Variants in TGIF1 observed in about 807,000 individuals in gnomAD.
TGIF1 encodes the protein homeobox protein TGIF1.
In TGIF1, 4 loss-of-function variants were observed where a neutral mutation model predicts 19.3. The observed-to-expected ratio is 0.21, with a 90% CI of 0.10 to 0.47. The LOEUF (loss-of-function observed/expected upper bound fraction) is 0.47. Ranked by LOEUF, TGIF1 falls within the 20% of genes least tolerant of loss-of-function variation. The pLI, the probability that TGIF1 is intolerant of heterozygous loss-of-function variation, is 0.98. For missense variants in TGIF1, 275 were observed against 341.4 expected (o/e 0.81, Z 1.53); for synonymous variants, 122 against 129.3 (o/e 0.94, Z 0.38).
intron 2 of TGIF1, among the ~76,000 whole-genome samples, chr18:3,420,492 T>C (rs1305237810): frequency 1.3e-5 from 2 of 152,164 alleles, no homozygotes; most frequent in Admixed American, 1.3e-4. Context: ...TTAAGGTACA[T>C]GTTAATCCAA....
rs368355194 is a variant in TGIF1 at position 3,457,497 on chromosome 18, G to A, written c.376G>A (p.Val126Met). 56 of 1,614,072 alleles carry A rather than the reference G, an allele frequency of 3.5e-5. No individual in the cohort carries two copies. The highest frequency in any genetic ancestry group is 8.3e-5 in the Admixed American group (5 of 60,006). The change falls in exon 3 of 3, where the codon GTG becomes ATG. Residue 126 changes from valine to methionine, a missense_variant. Physicochemically the swap from Val to Met is conservative, Grantham distance 21 (BLOSUM62 1). Transcript: ENST00000343820. This position sits in a 1 kb window ranked among gnomAD's most constrained non-coding sequence, Gnocchi z 4.9. ...TTCTGAAACGAGCTCTGTGGAGTCC[G>A]TGATGGGCATCAAAAACTTCATGCC... ...KISETSSVES[V>M]MGIKNFMPAL...
In TGIF1 at chr18:3,450,231, G is replaced by C; in HGVS notation, c.-259G>C. On this transcript the variant is annotated 5_prime_UTR_variant, in exon 1 of 3. Coordinates refer to ENST00000343820, the MANE Select transcript of TGIF1 (RefSeq NM_003244.4). ...AGGGAACAAAGGAGCGGAGAGGGGA[G>C]GGGAGAGAGTTGGGCGAGGGAGAGC... The C allele has an allele frequency of 7.0e-7, 1 of 1,419,928 alleles. No individual in the cohort carries two copies. Among genetic ancestry groups the C allele is most frequent in the Non-Finnish European group, 9.2e-7 (1 of 1,091,286 alleles). The allele number at this position is 1,419,928 out of a possible 1,614,324, so 88.0% of individuals were successfully genotyped here.
At chr18:3,453,136 C>T (rs2083038740) in intron 1 of TGIF1, among the ~76,000 whole-genome samples, 1 of 151,940 alleles carries the variant, frequency 6.6e-6, no homozygotes, top group Non-Finnish European at 1.5e-5. Flanking sequence ...CCGGGTCTGG[C>T]TATGTTGCCC....
chr18:3,438,566 A>G (rs572277346), intron 2 of TGIF1, among the ~76,000 whole-genome samples: 59 of 125,374 alleles, frequency 4.7e-4, no homozygotes, highest in African/African-American at 1.4e-3. Context: ...TTCACCCCCC[A>G]TCTTCCATTC....
chr18:3,442,903 T>TA (rs2082692747), intron 2 of TGIF1, among the ~76,000 whole-genome samples: 1 of 152,202 alleles, frequency 6.6e-6, no homozygotes, highest in South Asian at 2.1e-4. Flanking sequence ...TGATTGATAA[T>TA]ATTCAGCGTT....
intron 2 of TGIF1, among the ~76,000 whole-genome samples, chr18:3,429,922 A>C (rs1220247705): frequency 2.0e-5 from 3 of 152,252 alleles, no homozygotes; most frequent in Non-Finnish European, 2.9e-5. Flanking sequence ...TGGGAGGCCA[A>C]GGTGGGTGGA....
At chr18:3,444,013 C>G (rs191604313) in intron 2 of TGIF1, among the ~76,000 whole-genome samples, 3 of 151,220 alleles carry the variant, frequency 2.0e-5, no homozygotes, top group Admixed American at 6.6e-5. Flanking sequence ...CGGCTCACTG[C>G]AACCTCCACC....
chr18:3,458,045 G>C lies in TGIF1; in HGVS notation c.*105G>C. On this transcript the variant is annotated 3_prime_UTR_variant, in exon 3 of 3. Coordinates refer to ENST00000343820, the MANE Select transcript of TGIF1 (RefSeq NM_003244.4). ...TATTTTTTATTAATATTTGCACATG[G>C]GATTGCTAAAACAGCTTCCTGTTAC... is the stretch of plus-strand genomic sequence containing the variant. 1 of 1,072,964 alleles carries C rather than the reference G, an allele frequency of 9.3e-7. No individual in the cohort carries two copies. The highest frequency in any genetic ancestry group is 1.4e-6 in the Non-Finnish European group (1 of 736,124). The allele number at this position is 1,072,964 out of a possible 1,614,324, so 66.5% of individuals were successfully genotyped here. A position where few individuals can be genotyped will look rare whatever the true frequency, so the allele number is the denominator to read the frequency against.
intron 2 of TGIF1, among the ~76,000 whole-genome samples, chr18:3,442,576 A>G (rs1029161838): frequency 5.3e-5 from 8 of 152,172 alleles, no homozygotes; most frequent in Admixed American, 2.0e-4. Context: ...AAATCAATAC[A>G]ATAGAAAAGT....
chr18:3,446,823 T>G (rs1313252302), upstream of TGIF1, among the ~76,000 whole-genome samples: 1 of 152,196 alleles, frequency 6.6e-6, no homozygotes, highest in Non-Finnish European at 1.5e-5. Context: ...TGTCTGCATA[T>G]TTTATAAAGA....
intron 2 of TGIF1, among the ~76,000 whole-genome samples, chr18:3,439,243 T>C (rs1347419484): frequency 1.3e-5 from 2 of 152,112 alleles, no homozygotes; most frequent in Non-Finnish European, 2.9e-5. Context: ...CTCCTCACTA[T>C]TGGATATATT....
intron 1 of TGIF1, chr18:3,452,532 C>T (rs1276544161): frequency 2.4e-6 from 3 of 1,228,876 alleles, no homozygotes; most frequent in Admixed American, 4.1e-5. Context: ...GGATTCACGG[C>T]CTCATTTCTA....
At chr18:3,429,047 C>T (rs539037365) in intron 2 of TGIF1, among the ~76,000 whole-genome samples, 5 of 151,610 alleles carry the variant, frequency 3.3e-5, no homozygotes, top group African/African-American at 4.9e-5. Context: ...AGCCAGACTC[C>T]GTCTCCAAAA....
Position 3,450,195 on chromosome 18 carries a change from C to G in TGIF1, c.-295C>G, listed in dbSNP as rs1598892991. On this transcript the variant is annotated 5_prime_UTR_variant, in exon 1 of 3. Transcript: ENST00000343820. The stretch of plus-strand genomic sequence containing the variant: ...TCACTCTGACAGCGCCGAGGTGCGC[C>G]GAGCAGGAGCAGGGAACAAAGGAGC... 4 of 1,358,476 alleles carry G rather than the reference C, an allele frequency of 2.9e-6. No homozygotes were observed. The highest frequency in any genetic ancestry group is 2.9e-5 in the African/African-American group (2 of 67,938). 84.2% of individuals were successfully genotyped at this position (1,358,476 alleles called of 1,614,324 possible). A position where few individuals can be genotyped will look rare whatever the true frequency, so the allele number is the denominator to read the frequency against.
At chr18:3,448,659 G>GA (rs1238528767), upstream of TGIF1, 10 of 981,878 alleles carry the variant, frequency 1.0e-5, no homozygotes, top group Non-Finnish European at 1.2e-5. Context: ...CCTGTAATTG[G>GA]AAAAACCACC....
intron 1 of TGIF1, chr18:3,455,377 C>G (rs984647323): frequency 6.6e-6 from 1 of 152,124 alleles, no homozygotes; most frequent in Non-Finnish European, 1.5e-5. Context: ...TAAATATTCT[C>G]TATGGCTTGT....
intron 1 of TGIF1, among the ~76,000 whole-genome samples, 176 bp downstream of exon 1, chr18:3,450,681 C>G (rs562485946): frequency 6.6e-6 from 1 of 152,188 alleles, no homozygotes; most frequent in Non-Finnish European, 1.5e-5. Context: ...TGTTTTCCTG[C>G]TAGACACAAC....
intron 1 of TGIF1, chr18:3,412,900 C>A (rs903217255): frequency 6.6e-6 from 1 of 152,208 alleles, no homozygotes; most frequent in Non-Finnish European, 1.5e-5. Context: ...CGCCTGTAGT[C>A]CTATCTACTT....
intron 2 of TGIF1, among the ~76,000 whole-genome samples, chr18:3,438,181 A>G (rs2082638581): frequency 1.3e-5 from 2 of 152,280 alleles, no homozygotes; most frequent in East Asian, 3.9e-4. Flanking sequence ...TCAATATATC[A>G]TTTTATTAGT....
Sources: allele counts gnomAD v4.1 joint callset (sites outside exome capture counted in the v4.1 genomes callset), GRCh38; gene constraint gnomAD v4.1.1; non-coding constraint Gnocchi (gnomAD v3.1); transcripts MANE v1.5; gene names NCBI Gene and HGNC (gene_info 2026-07-23, HGNC 2026-07-21).